Variants in RANBP2 observed in about 807,000 individuals in gnomAD.
RANBP2 encodes E3 SUMO-protein ligase RanBP2.
RANBP2 carries 57 observed loss-of-function variants against 303.6 expected under a neutral mutation model. That is an observed-to-expected ratio of 0.19 (90% CI 0.15 to 0.23). The LOEUF is 0.23. Among genes scored for constraint, RANBP2 ranks in the 10% least tolerant of loss-of-function variants. The probability of loss-of-function intolerance (pLI) is 1.00; values close to 1 mark genes in which losing one functional copy is unlikely to be tolerated. For missense variants in RANBP2, 3,138 were observed against 3,780.8 expected (o/e 0.83, Z 4.46); for synonymous variants, 1,167 against 1,301.5 (o/e 0.90, Z 2.23).
At chr2:108,788,469 A>G (rs1679320906), downstream of RANBP2, among the ~76,000 whole-genome samples, 1 of 152,084 alleles carries the variant, frequency 6.6e-6, no homozygotes, top group South Asian at 2.1e-4. Context: ...CTGTAATCCC[A>G]GCACTTTGGG....
the RANBP2 span, among the ~76,000 whole-genome samples, chr2:109,326,947 T>C: frequency 6.6e-6 from 1 of 152,246 alleles, no homozygotes; most frequent in Non-Finnish European, 1.5e-5. Context: ...AACTGCTGGG[T>C]TATTGACATA....
chr2:108,916,627 T>G, the RANBP2 span, among the ~76,000 whole-genome samples: 1 of 152,058 alleles, frequency 6.6e-6, no homozygotes, highest in Non-Finnish European at 1.5e-5. Flanking sequence ...GCTGCAGGTG[T>G]AGGCTGGGTG....
the RANBP2 span, among the ~76,000 whole-genome samples, chr2:109,622,820 A>T: frequency 6.6e-6 from 1 of 152,174 alleles, no homozygotes. Context: ...GCAACCCACT[A>T]AAAGAATTTT....
the RANBP2 span, among the ~76,000 whole-genome samples, chr2:109,743,025 C>T: frequency 6.7e-6 from 1 of 148,172 alleles, no homozygotes; most frequent in Admixed American, 6.8e-5. Context: ...AATCCCAATG[C>T]TTTGGGAGGC....
chr2:108,753,501 G>A lies in RANBP2; in HGVS notation c.1993G>A (p.Glu665Lys), dbSNP rs759073709. ...AILDAVNGNI[E>K]DAVTAFESIK... ...ATTGGATGCAGTAAATGGAAATATA[G>A]AAGATGCTGTGACTGCTTTTGAATC... Residue 665 changes from glutamate (E) to lysine (K), a missense_variant, in exon 14 of 29, where the codon GAA becomes AAA. Around this residue, in one of 20 missense-constraint regions of RANBP2, gnomAD observed 162 missense variants for 286.9 expected, o/e 0.56. Coordinates refer to ENST00000283195, the MANE Select transcript of RANBP2 (RefSeq NM_006267.5). 10 of 1,611,812 alleles carry A rather than the reference G, an allele frequency of 6.2e-6. No individual in the cohort carries two copies. The highest frequency in any genetic ancestry group is 8.5e-6 in the Non-Finnish European group (10 of 1,179,838).
the RANBP2 span, among the ~76,000 whole-genome samples, chr2:108,950,946 G>A: frequency 6.6e-6 from 1 of 152,324 alleles, no homozygotes; most frequent in African/African-American, 2.4e-5. Flanking sequence ...TTCACCCAAG[G>A]GCAGCTGCCA....
the RANBP2 span, among the ~76,000 whole-genome samples, chr2:109,546,533 T>C: frequency 6.6e-6 from 1 of 151,992 alleles, no homozygotes; most frequent in Admixed American, 6.6e-5. Context: ...GTATTTTCCC[T>C]ACAAAACTTC....
the RANBP2 span, chr2:109,613,898 G>A: frequency 8.1e-7 from 1 of 1,229,232 alleles, no homozygotes; most frequent in Non-Finnish European, 1.0e-6. Context: ...GGCGACGGCG[G>A]CGGGAAGGCC....
At chr2:108,928,646 A>AT in the RANBP2 span, among the ~76,000 whole-genome samples, 1 of 152,092 alleles carries the variant, frequency 6.6e-6, no homozygotes, top group African/African-American at 2.4e-5. Context: ...GAGAGTCTGT[A>AT]TTTTCCTGGT....
the RANBP2 span, among the ~76,000 whole-genome samples, chr2:109,210,716 G>A: frequency 6.6e-6 from 1 of 152,170 alleles, no homozygotes; most frequent in Non-Finnish European, 1.5e-5. Flanking sequence ...TCCTCCCGGG[G>A]TTCTCTCTGG....
the RANBP2 span, among the ~76,000 whole-genome samples, chr2:109,106,934 CTTT>C: frequency 6.0e-5 from 8 of 133,760 alleles, no homozygotes; most frequent in Non-Finnish European, 6.3e-5. Flanking sequence ...GGGCCTTCTC[CTTT>C]TTTTTTTTTT....
chr2:108,853,295 G>A, the RANBP2 span, among the ~76,000 whole-genome samples: 2,675 of 152,190 alleles, frequency 0.018, 68 homozygotes, highest in African/African-American at 0.062. Flanking sequence ...AGCAAACTGA[G>A]GGTCAGTCTA....
the RANBP2 span, among the ~76,000 whole-genome samples, chr2:108,909,366 C>T: frequency 2.0e-5 from 3 of 151,940 alleles, no homozygotes; most frequent in African/African-American, 7.3e-5. Context: ...TGCCCTTGGT[C>T]CTGGGAGCAG....
At chr2:108,878,696 G>C in the RANBP2 span, among the ~76,000 whole-genome samples, 1 of 152,228 alleles carries the variant, frequency 6.6e-6, no homozygotes, top group Non-Finnish European at 1.5e-5. Flanking sequence ...CAATATGTTA[G>C]TAGTAAGTAT....
intron 7 of RANBP2, among the ~76,000 whole-genome samples, chr2:108,742,088 C>G (rs1309969911): frequency 2.0e-5 from 3 of 151,260 alleles, no homozygotes; most frequent in Non-Finnish European, 4.4e-5. Flanking sequence ...CTCTGCCTTC[C>G]CGGGTTCAAG....
the RANBP2 span, among the ~76,000 whole-genome samples, chr2:109,095,811 A>G: frequency 1.3e-5 from 2 of 152,366 alleles, no homozygotes; most frequent in South Asian, 4.1e-4. Flanking sequence ...AACTAGCCTT[A>G]GCATTAAAAA....
chr2:109,266,493 G>T, the RANBP2 span, among the ~76,000 whole-genome samples: 5 of 152,192 alleles, frequency 3.3e-5, no homozygotes, highest in South Asian at 1.0e-3. Context: ...TCCTTAATCT[G>T]CCCCTTCACT....
chr2:109,274,955 G>A, the RANBP2 span, among the ~76,000 whole-genome samples: 2 of 151,844 alleles, frequency 1.3e-5, no homozygotes, highest in African/African-American at 4.8e-5. Flanking sequence ...ACTTTAAAAT[G>A]GTTAATTTCC....
At chr2:109,512,101 A>G in the RANBP2 span, among the ~76,000 whole-genome samples, 2 of 152,126 alleles carry the variant, frequency 1.3e-5, no homozygotes, top group Non-Finnish European at 2.9e-5. Flanking sequence ...GGGGGCTGTG[A>G]TATCTGTCTC....
Sources: gnomAD v4.1 joint callset for allele counts (sites outside exome capture counted in the v4.1 genomes callset) on GRCh38, gnomAD v4.1.1 for gene constraint, gnomAD v4.1.1 regional missense constraint, MANE v1.5 for transcripts, NCBI Gene and HGNC (gene_info 2026-07-23, HGNC 2026-07-21) for gene names.